The following TXNRD3 variants were observed in gnomAD, a reference collection of about 807,000 sequenced individuals.
TXNRD3 encodes TXNRD3 neighbor gene protein.
Under a neutral mutation model 78.2 loss-of-function variants are expected in TXNRD3, and 68 were observed. The ratio of observed to expected loss-of-function variants is 0.87; its 90% confidence interval spans 0.72 to 1.06. TXNRD3 has a LOEUF of 1.06. Among genes scored for constraint, TXNRD3 ranks in the 50% least tolerant of loss-of-function variants. TXNRD3 has a pLI of 0.00. For synonymous variants in TXNRD3, 296 were observed against 300.1 expected (o/e 0.99, Z 0.14); for missense variants, 751 against 809.5 (o/e 0.93, Z 0.88).
At position 126,647,312 on chromosome 3, in the gene TXNRD3, A is replaced by T. The variant is rs1049845206; in HGVS notation, c.244-16T>A. On this transcript the variant is annotated splice_polypyrimidine_tract_variant and intron_variant, in intron 1 of 15. Transcript: ENST00000524230. ...GTTCTTTCACCTGTAAAAAAAATTTAGCTAAGTTTCACTCTCAGAAAAGAT... is the reference window on the plus strand; with the variant it reads ...GTTCTTTCACCTGTAAAAAAAATTTTGCTAAGTTTCACTCTCAGAAAAGAT... 6.5e-7 allele frequency: 1 copy of T among 1,529,628 alleles called. No homozygotes were observed. The highest frequency in any genetic ancestry group is 2.0e-5 in the Admixed American group (1 of 50,818). The allele number at this position is 1,529,628 out of a possible 1,614,324, so 94.8% of individuals were successfully genotyped here.
At chr3:126,632,049 T>C (rs1464310500) in intron 7 of TXNRD3, among the ~76,000 whole-genome samples, 170 bp from the exon 8 acceptor site, 10 of 152,170 alleles carry the variant, frequency 6.6e-5, no homozygotes, top group Non-Finnish European at 7.4e-5. Flanking sequence ...GAAGTCTTTA[T>C]GAAATATTAA....
chr3:126,640,586 C>T (rs944299689), intron 6 of TXNRD3, among the ~76,000 whole-genome samples: 23 of 152,076 alleles, frequency 1.5e-4, no homozygotes, highest in African/African-American at 5.6e-4. Context: ...GTACACTGCC[C>T]ACATCTACCA....
rs188789667 is a variant in TXNRD3 at position 126,629,299 on chromosome 3, G to A, written c.1290+80C>T. 102 of 991,754 alleles carry A rather than the reference G, an allele frequency of 1.0e-4. No individual in the cohort carries two copies. In the African/African-American group the frequency reaches 1.5e-3, roughly 15 times the overall value. 61.4% of individuals were successfully genotyped at this position (991,754 alleles called of 1,614,324 possible). A position where few individuals can be genotyped will look rare whatever the true frequency, so the allele number is the denominator to read the frequency against. On this transcript the variant is annotated intron_variant, in intron 10 of 15. Coordinates refer to ENST00000524230, the MANE Select transcript of TXNRD3 (RefSeq NM_052883.3). ...AAAAAGTAAAAAAATGTTAATCCTG[G>A]TATAATTTTCCCATAAGTTTCATTT...
chr3:126,634,802 A>G (rs2107620772), intron 6 of TXNRD3, among the ~76,000 whole-genome samples: 1 of 152,288 alleles, frequency 6.6e-6, no homozygotes, highest in Middle Eastern at 3.4e-3. Context: ...AAGACAAACC[A>G]ACAACCTGAG....
At chr3:126,649,336 G>T (rs1239928247) in intron 1 of TXNRD3, among the ~76,000 whole-genome samples, 1 of 152,122 alleles carries the variant, frequency 6.6e-6, no homozygotes, top group African/African-American at 2.4e-5. Context: ...TAAAAACAAA[G>T]AAAATAACAA....
At chr3:126,615,688 C>T (rs971148019) in intron 12 of TXNRD3, among the ~76,000 whole-genome samples, 6 of 152,118 alleles carry the variant, frequency 3.9e-5, no homozygotes, top group East Asian at 1.9e-4. Flanking sequence ...CAAATGGGAC[C>T]GGCTCTCCTG....
intron 12 of TXNRD3, 84 bp downstream of exon 12, chr3:126,621,658 A>G: frequency 7.7e-7 from 1 of 1,291,346 alleles, no homozygotes; most frequent in Non-Finnish European, 1.0e-6. Flanking sequence ...TACTTGGAAA[A>G]CAGGCACACA....
At chr3:126,622,948 C>T (rs759858312) in intron 10 of TXNRD3, among the ~76,000 whole-genome samples, 1 of 152,082 alleles carries the variant, frequency 6.6e-6, no homozygotes, top group Non-Finnish European at 1.5e-5. Flanking sequence ...TGTGAGGACA[C>T]AAGGAGAAGA....
chr3:126,608,555 C>G lies in TXNRD3; in HGVS notation c.1807G>C (p.Gly603Arg). ...TCATCAAGTAGCTGTTTTGTGAGCC[C>G]ACATTTCATTGCAGCTGCAAATCCT... Residue 603 changes from glycine (G) to arginine (R), a missense_variant, in exon 15 of 16, where the codon GGG becomes CGG. Physicochemically the swap from Gly to Arg is moderately radical, Grantham distance 125. Transcript: ENST00000524230. 2 of 1,535,966 alleles carry G rather than the reference C, an allele frequency of 1.3e-6. No individual in the cohort carries two copies. The highest frequency in any genetic ancestry group is 1.7e-6 in the Non-Finnish European group (2 of 1,146,858).
intron 10 of TXNRD3, chr3:126,624,741 A>G (rs908603572): frequency 1.3e-5 from 2 of 154,458 alleles, no homozygotes; most frequent in Admixed American, 6.5e-5. Context: ...AAAGAAAGGG[A>G]AGTCTTTTCA....
At chr3:126,624,433 T>C (rs924282846) in intron 10 of TXNRD3, among the ~76,000 whole-genome samples, 1 of 151,940 alleles carries the variant, frequency 6.6e-6, no homozygotes, top group Admixed American at 6.6e-5. Flanking sequence ...TCTTTTTTTT[T>C]TTTTTGAGAT....
Position 126,608,486 on chromosome 3 carries a change from T to A in TXNRD3, c.1863+13A>T, listed in dbSNP as rs1938113259. 1 of 1,520,970 alleles carries A rather than the reference T, an allele frequency of 6.6e-7. No homozygotes were observed. Among genetic ancestry groups the A allele is most frequent in the South Asian group, 1.2e-5 (1 of 80,896 alleles). The allele number at this position is 1,520,970 out of a possible 1,614,324, so 94.2% of individuals were successfully genotyped here. A position where few individuals can be genotyped will look rare whatever the true frequency, so the allele number is the denominator to read the frequency against. On this transcript the variant is annotated intron_variant, in intron 15 of 15. Transcript: ENST00000524230. ...TCAACTGAAGCCAATTTTTAAAACC[T>A]CCTGTTTCCTACCTCCCCACATGTG...
intron 10 of TXNRD3, among the ~76,000 whole-genome samples, chr3:126,623,501 G>A (rs766261383): frequency 6.6e-6 from 1 of 152,124 alleles, no homozygotes; most frequent in Non-Finnish European, 1.5e-5. Flanking sequence ...AATTGTTCGT[G>A]ATCAAGTGAG....
At chr3:126,654,582 C>G (rs2107632689) in intron 1 of TXNRD3, among the ~76,000 whole-genome samples, 166 bp downstream of exon 1, 1 of 152,258 alleles carries the variant, frequency 6.6e-6, no homozygotes, top group African/African-American at 2.4e-5. Context: ...TAAACTATCA[C>G]AAGCCCACCT....
At chr3:126,641,924 C>T (rs1933097883) in intron 6 of TXNRD3, 108 bp downstream of exon 6, 3 of 1,311,156 alleles carry the variant, frequency 2.3e-6, no homozygotes, top group South Asian at 3.2e-5. Flanking sequence ...AATGAATGTT[C>T]ATTAAATGAA....
chr3:126,616,627 C>T (rs746650138), intron 12 of TXNRD3, among the ~76,000 whole-genome samples: 5 of 152,150 alleles, frequency 3.3e-5, no homozygotes, highest in Non-Finnish European at 7.3e-5. Flanking sequence ...ACCCCACCTC[C>T]AAATGCAGGC....
chr3:126,612,878 T>C (rs1938230511), intron 13 of TXNRD3, among the ~76,000 whole-genome samples: 1 of 152,228 alleles, frequency 6.6e-6, no homozygotes, highest in Non-Finnish European at 1.5e-5. Context: ...GCCTGTGTTT[T>C]GCCATGGATT....
At chr3:126,620,679 G>C (rs1486765325) in intron 12 of TXNRD3, among the ~76,000 whole-genome samples, 1 of 152,092 alleles carries the variant, frequency 6.6e-6, no homozygotes, top group African/African-American at 2.4e-5. Flanking sequence ...AAAAGTTGGG[G>C]GAAATAAAGG....
At chr3:126,623,752 C>G (rs1938506710) in intron 10 of TXNRD3, among the ~76,000 whole-genome samples, 1 of 149,850 alleles carries the variant, frequency 6.7e-6, no homozygotes, top group Non-Finnish European at 1.5e-5. Context: ...TGATACAAGA[C>G]TCAATGCTTC....
Sources: gnomAD v4.1 joint callset for allele counts (sites outside exome capture counted in the v4.1 genomes callset) on GRCh38, gnomAD v4.1.1 for gene constraint, MANE v1.5 for transcripts, NCBI Gene and HGNC (gene_info 2026-07-23, HGNC 2026-07-21) for gene names.